ARSJ: variants seen among roughly 807,000 people sequenced by gnomAD.
ARSJ encodes arylsulfatase family member J.
A neutral mutation model predicts 35.9 loss-of-function variants in ARSJ; 26 were observed. That is an observed-to-expected ratio of 0.72 (90% CI 0.53 to 1.00). The LOEUF is 1.00. ARSJ is among the 50% of genes least tolerant of loss of function. The pLI, the probability that ARSJ is intolerant of heterozygous loss-of-function variation, is 0.00. For missense variants in ARSJ, 667 were observed against 723.6 expected, an observed-to-expected ratio of 0.92 and a Z score of 0.90; for synonymous variants, 294 against 267.6, an observed-to-expected ratio of 1.10 and a Z score of -0.96.
At chr4:113,943,398 T>G (rs1185324127) in intron 1 of ARSJ, 1 of 152,028 alleles carries the variant, frequency 6.6e-6, no homozygotes, top group Non-Finnish European at 1.5e-5. Context: ...GCAGTTTGGA[T>G]TCCCCAACTG....
intron 1 of ARSJ, among the ~76,000 whole-genome samples, chr4:113,965,181 T>C (rs931914536): frequency 1.3e-5 from 2 of 152,126 alleles, no homozygotes; most frequent in Non-Finnish European, 2.9e-5. Context: ...AATATTGACA[T>C]CATTAATTTA....
At chr4:113,948,341 A>T (rs1725634073) in intron 1 of ARSJ, among the ~76,000 whole-genome samples, 1 of 152,146 alleles carries the variant, frequency 6.6e-6, no homozygotes, top group Admixed American at 6.6e-5. Flanking sequence ...AGATCAGTAA[A>T]TCCAAATGGT....
intron 1 of ARSJ, among the ~76,000 whole-genome samples, chr4:113,908,372 G>A (rs1442212453): frequency 6.6e-6 from 1 of 152,162 alleles, no homozygotes; most frequent in Non-Finnish European, 1.5e-5. Flanking sequence ...TGCTATTTGT[G>A]CTGCACTTGC....
chr4:113,905,981 G>T (rs1321649001), intron 1 of ARSJ, among the ~76,000 whole-genome samples: 2 of 152,000 alleles, frequency 1.3e-5, no homozygotes, highest in African/African-American at 4.8e-5. Flanking sequence ...TCCAGTCCAG[G>T]ATCCAAAACA....
chr4:113,924,868 C>G (rs549148989), intron 1 of ARSJ, among the ~76,000 whole-genome samples: 4 of 152,258 alleles, frequency 2.6e-5, no homozygotes, highest in Admixed American at 6.5e-5. Context: ...TGATGACTAC[C>G]TTCTTCTACT....
At chr4:113,921,144 G>A (rs999780569) in intron 1 of ARSJ, among the ~76,000 whole-genome samples, 2 of 150,734 alleles carry the variant, frequency 1.3e-5, no homozygotes, top group African/African-American at 4.9e-5. Flanking sequence ...CTGTGAAACC[G>A]AAATAAATAG....
chr4:113,973,823 T>G (rs981798417), intron 1 of ARSJ, among the ~76,000 whole-genome samples: 2 of 152,202 alleles, frequency 1.3e-5, no homozygotes, highest in African/African-American at 2.4e-5. Flanking sequence ...ATTAATGAAC[T>G]GGTAAAAAAT....
intron 1 of ARSJ, among the ~76,000 whole-genome samples, chr4:113,928,801 T>G (rs1277571295): frequency 1.3e-5 from 2 of 152,110 alleles, no homozygotes; most frequent in African/African-American, 4.8e-5. Flanking sequence ...ACAAATCTGT[T>G]TTGCAAGGCA....
intron 1 of ARSJ, among the ~76,000 whole-genome samples, chr4:113,962,925 G>C (rs1172346066): frequency 6.6e-6 from 1 of 151,966 alleles, no homozygotes; most frequent in Non-Finnish European, 1.5e-5. Context: ...CTCTGAACTA[G>C]CTTAGTGGGG....
rs2099667250 is a variant in ARSJ, at chr4:113,902,054, ACTCT to A, written c.*216_*219del. On this transcript the variant is annotated 3_prime_UTR_variant, in exon 2 of 2. Coordinates refer to ENST00000315366, the MANE Select transcript of ARSJ (RefSeq NM_024590.4). Reference sequence around the variant, plus strand: ...AGGAGCAAGAGAAATAAACATCTCCACTCTCTCTAAGTGTGGCTTGCAAGAGTAG... The same window carrying A: ...AGGAGCAAGAGAAATAAACATCTCCACTCTAAGTGTGGCTTGCAAGAGTAG... The A allele has an allele frequency of 2.9e-6, 4 of 1,401,288 alleles. No individual in the cohort carries two copies. The highest frequency in any genetic ancestry group is 3.8e-6 in the Non-Finnish European group (4 of 1,039,248). The allele number at this position is 1,401,288 out of a possible 1,614,324, so 86.8% of individuals were successfully genotyped here. A position where few individuals can be genotyped will look rare whatever the true frequency, so the allele number is the denominator to read the frequency against.
At chr4:113,975,668 G>A (rs987728240) in intron 1 of ARSJ, among the ~76,000 whole-genome samples, 3 of 152,016 alleles carry the variant, frequency 2.0e-5, no homozygotes, top group African/African-American at 7.2e-5. Flanking sequence ...TATAAAATGG[G>A]CATGACAAGA....
intron 1 of ARSJ, among the ~76,000 whole-genome samples, chr4:113,947,395 G>A (rs888261646): frequency 2.0e-5 from 3 of 151,862 alleles, no homozygotes; most frequent in Admixed American, 6.6e-5. Flanking sequence ...CACGAGAATC[G>A]TTTGAATTTG....
intron 1 of ARSJ, chr4:113,970,724 G>A (rs1288012112): frequency 6.6e-6 from 1 of 152,186 alleles, no homozygotes; most frequent in Non-Finnish European, 1.5e-5. Flanking sequence ...GGAGGGCGAG[G>A]TGGGTGGATC....
At position 113,905,959 on chromosome 4, in the gene ARSJ, G is replaced by C. The variant is rs117336007; in HGVS notation, c.399-2284C>G. Among the ~76,000 whole-genome samples the C allele has an allele frequency of 1.3e-3, 202 of 152,120 alleles. 4 individuals carry two copies. In the East Asian group the frequency reaches 0.034, roughly 25 times the overall value. ...CTGCCACTGCACCTGGCCTGTTCTT[G>C]ATAATTTTTGGTCCAGTCCAGGATC... On this transcript the variant is annotated intron_variant, in intron 1 of 1. Transcript: ENST00000315366.
rs1374239880 is a variant in ARSJ at position 113,902,912 on chromosome 4, C to A, written c.1162G>T (p.Ala388Ser). 11 of 1,614,054 alleles carry A rather than the reference C, an allele frequency of 6.8e-6. No homozygotes were observed. Among genetic ancestry groups the A allele is most frequent in the Non-Finnish European group, 8.5e-6 (10 of 1,180,036 alleles). ...TDWYPTLISL[A>S]EGQIDEDIQL... ...ATGTCCTCATCAATCTGTCCTTCAG[C>A]CAGTGAAATGAGAGTGGGGTACCAG... is the stretch of plus-strand genomic sequence containing the variant. Residue 388 changes from alanine (A) to serine (S), a missense_variant, in exon 2 of 2, where the codon GCT becomes TCT. Ala to Ser is a moderately conservative substitution (Grantham distance 99). Transcript: ENST00000315366.
chr4:113,922,026 A>G (rs935051187), intron 1 of ARSJ, among the ~76,000 whole-genome samples: 2 of 152,298 alleles, frequency 1.3e-5, no homozygotes, highest in African/African-American at 2.4e-5. Context: ...TTGTGATCCA[A>G]CTTCCCCATA....
At chr4:113,939,617 A>T (rs1725010426) in intron 1 of ARSJ, among the ~76,000 whole-genome samples, 1 of 151,950 alleles carries the variant, frequency 6.6e-6, no homozygotes, top group Admixed American at 6.6e-5. Context: ...CTGGTGTGAG[A>T]TGTTATCTCA....
In ARSJ at chr4:113,978,537, T is replaced by G; in HGVS notation, c.298A>C (p.Thr100Pro). The part of the protein sequence containing the change: ...DVGYHGSEIK[T>P]PTLDKLAAEG... ...GCAGCGAGCTTGTCAAGAGTAGGTG[T>G]TTTAATCTCAGATCCGTGGTAACCC... The change falls in exon 1 of 2, where the codon ACA becomes CCA. Residue 100 changes from threonine to proline, a missense_variant. Coordinates refer to ENST00000315366, the MANE Select transcript of ARSJ (RefSeq NM_024590.4). 1 of 1,614,216 alleles carries G rather than the reference T, an allele frequency of 6.2e-7. No individual in the cohort carries two copies. Among genetic ancestry groups the G allele is most frequent in the Non-Finnish European group, 8.5e-7 (1 of 1,180,008 alleles).
Position 113,901,645 on chromosome 4 carries a change from T to C in ARSJ, c.*629A>G, listed in dbSNP as rs1470766621. 5 of 152,544 alleles carry C rather than the reference T, an allele frequency of 3.3e-5. No individual in the cohort carries two copies. The highest frequency in any genetic ancestry group is 4.8e-5 in the African/African-American group (2 of 41,438). The allele number at this position is 152,544 out of a possible 1,614,324, so 9.4% of individuals were successfully genotyped here. Reference sequence around the variant, plus strand: ...TTCTTATTTGCCATTCCCTCACGCATGGTAAAATGAGGTGCAAGCTGTTCA... The same window carrying C: ...TTCTTATTTGCCATTCCCTCACGCACGGTAAAATGAGGTGCAAGCTGTTCA... On this transcript the variant is annotated 3_prime_UTR_variant, in exon 2 of 2. Coordinates refer to ENST00000315366, the MANE Select transcript of ARSJ (RefSeq NM_024590.4).
Sources: allele counts gnomAD v4.1 joint callset (sites outside exome capture counted in the v4.1 genomes callset), GRCh38; gene constraint gnomAD v4.1.1; transcripts MANE v1.5; gene names NCBI Gene and HGNC (gene_info 2026-07-23, HGNC 2026-07-21).